MICAL3: variants seen among roughly 807,000 people sequenced by gnomAD.
MICAL3 encodes microtubule associated monooxygenase, calponin and LIM domain containing 3, also known as [F-actin]-monooxygenase MICAL3.
Under a neutral mutation model 207.4 loss-of-function variants are expected in MICAL3, and 62 were observed. The ratio of observed to expected loss-of-function variants is 0.30; its 90% CI spans 0.24 to 0.37. The LOEUF (loss-of-function observed/expected upper bound fraction) is 0.37, where lower values mean the gene tolerates loss of function less well. Ranked by LOEUF, MICAL3 falls within the 10% of genes least tolerant of loss-of-function variation. The probability of loss-of-function intolerance (pLI) is 1.00; values close to 1 mark genes in which losing one functional copy is unlikely to be tolerated. For synonymous variants in MICAL3, 1,077 were observed against 1,069.3 expected (o/e 1.01, Z -0.14); for missense variants, 2,368 against 2,635.6 (o/e 0.90, Z 2.22).
chr22:17,893,159 C>T (rs1421334641), intron 11 of MICAL3, among the ~76,000 whole-genome samples: 1 of 152,148 alleles, frequency 6.6e-6, no homozygotes, highest in Non-Finnish European at 1.5e-5. Context: ...GAGGTCTCCT[C>T]CACTGCCTCC....
chr22:17,801,124 C>T (rs1257098429), intron 29 of MICAL3, among the ~76,000 whole-genome samples: 1 of 150,794 alleles, frequency 6.6e-6, no homozygotes, highest in East Asian at 2.0e-4. Context: ...GTGTGATTCA[C>T]AAGGCATCCT....
intron 19 of MICAL3, among the ~76,000 whole-genome samples, chr22:17,849,188 A>C (rs1437451960): frequency 2.0e-5 from 3 of 152,226 alleles, no homozygotes; most frequent in Admixed American, 6.5e-5. Flanking sequence ...GGCTCTACAC[A>C]CGGCCTTAAA....
intron 19 of MICAL3, among the ~76,000 whole-genome samples, chr22:17,848,288 T>C (rs1230846489): frequency 6.6e-6 from 1 of 152,192 alleles, no homozygotes; most frequent in Non-Finnish European, 1.5e-5. Context: ...GCGGGATCCA[T>C]GCCTCCATCT....
At chr22:18,012,010 A>G (rs60547167) in intron 1 of MICAL3, among the ~76,000 whole-genome samples, 12,198 of 152,148 alleles carry the variant, frequency 0.08, 653 homozygotes, top group East Asian at 0.16. Flanking sequence ...CAAGGTGGGC[A>G]GATCACCTGA....
intron 29 of MICAL3, among the ~76,000 whole-genome samples, chr22:17,794,096 G>C (rs1398123828): frequency 6.6e-6 from 1 of 152,212 alleles, no homozygotes; most frequent in East Asian, 1.9e-4. Context: ...CGGGGGGCCA[G>C]AGCCACAGTG....
Position 17,827,762 on chromosome 22 carries a change from C to T in MICAL3, c.3075G>A (p.Gln1025=). The change falls in exon 22 of 32, where the codon CAG becomes CAA. Residue 1025 remains glutamine (Q), a synonymous_variant. Coordinates refer to ENST00000441493, the MANE Select transcript of MICAL3 (RefSeq NM_015241.3). The part of the protein sequence containing the change: ...ESSEAGNQRL[Q]QVMHAADPLE... ...GAGGATCCGCCGCGTGCATGACCTG[C>T]TGGAGCCTCTGGTTCCCGGCTAGTG... 2 of 1,551,288 alleles carry T rather than the reference C, an allele frequency of 1.3e-6. No homozygotes were observed. Among genetic ancestry groups the T allele is most frequent in the South Asian group, 2.4e-5 (2 of 84,058 alleles).
chr22:17,898,464 C>T (rs1229378935), intron 7 of MICAL3, among the ~76,000 whole-genome samples: 1 of 152,258 alleles, frequency 6.6e-6, no homozygotes, highest in Non-Finnish European at 1.5e-5. Context: ...AGGGGGCTCT[C>T]TGCCACCGGC....
At chr22:17,932,793 A>G (rs950043021) in intron 1 of MICAL3, among the ~76,000 whole-genome samples, 1 of 152,208 alleles carries the variant, frequency 6.6e-6, no homozygotes, top group African/African-American at 2.4e-5. Flanking sequence ...AAGCAAATGG[A>G]AAACAAAAAA....
rs1323012913 is a variant in MICAL3 at position 17,904,848 on chromosome 22, C to T, written c.265-9G>A. The T allele has an allele frequency of 1.2e-6, 2 of 1,604,884 alleles. No homozygotes were observed. The highest frequency in any genetic ancestry group is 4.5e-5 in the East Asian group (2 of 44,806). ...GCCCCAATGATGAGACACTGAAAAA[C>T]ACAGCTGCTTTCAGGGCAGGCGGCA... On this transcript the variant is annotated splice_polypyrimidine_tract_variant and intron_variant, in intron 2 of 31. Transcript: ENST00000441493.
chr22:17,862,987 C>CA, intron 19 of MICAL3: 2 of 985,458 alleles, frequency 2.0e-6, no homozygotes, highest in Non-Finnish European at 2.4e-6. Context: ...GAGACGTCCT[C>CA]AGGGCTCTGA....
In MICAL3 at chr22:17,796,416, C is replaced by T. The variant is rs543236284; in HGVS notation, c.5651-5115G>A. 2.0e-5 allele frequency among the ~76,000 whole-genome samples: 3 copies of T among 152,368 alleles called. No homozygotes were observed. The highest frequency in any genetic ancestry group is 2.1e-4 in the South Asian group (1 of 4,826). On this transcript the variant is annotated intron_variant, in intron 29 of 31. Transcript: ENST00000441493. This position sits in a 1 kb window ranked among gnomAD's most constrained non-coding sequence, Gnocchi z 4.4. ...CGGATGGCACTCTCCGGCTTCAGGGCGCCCTCGCATGCACCACCCACGTGA... is the reference window on the plus strand; with the variant it reads ...CGGATGGCACTCTCCGGCTTCAGGGTGCCCTCGCATGCACCACCCACGTGA...
chr22:17,885,041 G>A (rs143109853), intron 16 of MICAL3, among the ~76,000 whole-genome samples: 3 of 152,286 alleles, frequency 2.0e-5, no homozygotes, highest in African/African-American at 4.8e-5. Context: ...CTTCCAGTGC[G>A]AATCTTCAAA....
intron 1 of MICAL3, chr22:18,001,302 C>T (rs1451398758): frequency 6.6e-6 from 1 of 152,156 alleles, no homozygotes; most frequent in African/African-American, 2.4e-5. Flanking sequence ...GGAACCAGCC[C>T]GGTGCCCGAG....
intron 29 of MICAL3, chr22:17,803,885 G>A: frequency 1.0e-6 from 1 of 980,916 alleles, no homozygotes; most frequent in African/African-American, 1.7e-5. Flanking sequence ...TCGGTGAAGA[G>A]AGAGTTATTC....
chr22:17,990,111 TAA>T (rs5844342), intron 1 of MICAL3, among the ~76,000 whole-genome samples: 1 of 149,628 alleles, frequency 6.7e-6, no homozygotes, highest in East Asian at 1.9e-4. Context: ...GAATTGCTAA[TAA>T]AAAAAAAATG....
chr22:17,956,468 G>A (rs111402513), intron 1 of MICAL3, among the ~76,000 whole-genome samples: 51 of 152,270 alleles, frequency 3.3e-4, no homozygotes, highest in African/African-American at 1.1e-3. Context: ...TCAGGAGTTC[G>A]AGATCAGCCT....
chr22:17,910,768 C>A (rs2401424), intron 1 of MICAL3, among the ~76,000 whole-genome samples: 86,670 of 152,026 alleles, frequency 0.57, 25,627 homozygotes, highest in African/African-American at 0.73. Flanking sequence ...CGGCATTCTC[C>A]TTGGCTCTGA....
chr22:17,823,907 G>C (rs948260701), intron 22 of MICAL3, among the ~76,000 whole-genome samples: 2 of 152,218 alleles, frequency 1.3e-5, no homozygotes, highest in Admixed American at 1.3e-4. Flanking sequence ...GCTGTGTGCA[G>C]GGGCACCAGA....
Position 17,816,801 on chromosome 22 carries a change from G to A in MICAL3, c.5351-17C>T. The A allele has an allele frequency of 6.5e-7, 1 of 1,538,196 alleles. No homozygotes were observed. Among genetic ancestry groups the A allele is most frequent in the Admixed American group, 2.0e-5 (1 of 51,000 alleles). ...GCTGCAGCTCTGTGGAGAGAGGGAG[G>A]CCACGTGAGGACAGCGCCAGACAGC... On this transcript the variant is annotated splice_polypyrimidine_tract_variant and intron_variant, in intron 26 of 31. Transcript: ENST00000441493.
Sources: allele counts gnomAD v4.1 joint callset (sites outside exome capture counted in the v4.1 genomes callset), GRCh38; gene constraint gnomAD v4.1.1; non-coding constraint Gnocchi (gnomAD v3.1); transcripts MANE v1.5; gene names NCBI Gene and HGNC (gene_info 2026-07-23, HGNC 2026-07-21).